COL5A3: variants seen among roughly 807,000 people sequenced by gnomAD.
COL5A3 encodes collagen type V alpha 3 chain.
A neutral mutation model predicts 250.0 loss-of-function variants in COL5A3; 172 were observed. That is an observed-to-expected ratio of 0.69 (90% CI 0.61 to 0.78). The LOEUF (loss-of-function observed/expected upper bound fraction) is 0.78, where lower values mean the gene tolerates loss of function less well. Ranked by LOEUF, COL5A3 falls within the 30% of genes least tolerant of loss-of-function variation. The probability of loss-of-function intolerance (pLI) is 0.00; values close to 1 mark genes in which losing one functional copy is unlikely to be tolerated. For missense variants in COL5A3, 2,340 were observed against 2,334.4 expected, an observed-to-expected ratio of 1.00 and a Z score of -0.05; for synonymous variants, 937 against 900.4, an observed-to-expected ratio of 1.04 and a Z score of -0.73.
intron 8 of COL5A3, among the ~76,000 whole-genome samples, chr19:10,000,828 A>G (rs1465914546): frequency 6.6e-6 from 1 of 152,128 alleles, no homozygotes; most frequent in Non-Finnish European, 1.5e-5. Context: ...TAAGTAAATA[A>G]AATAACACAG....
intron 31 of COL5A3, among the ~76,000 whole-genome samples, chr19:9,983,942 C>T (rs76073433): frequency 0.01 from 1,564 of 151,080 alleles, 28 homozygotes; most frequent in East Asian, 0.077. Context: ...TCAAATCCAA[C>T]GTAGGCAAGA....
At position 9,973,519 on chromosome 19, in the gene COL5A3, G is replaced by A. The variant is rs2086880510; in HGVS notation, c.3666+51C>T. 2.5e-6 allele frequency: 4 copies of A among 1,568,782 alleles called. No homozygotes were observed. The African/African-American group carries it at 4.1e-5, about 16-fold the overall frequency. ...TCAAAGTGGCCCAAGATGCCCAGGG[G>A]TCAGGGGTTCCCTGAGTTGGGTGCA... On this transcript the variant is annotated intron_variant, in intron 50 of 66. Coordinates refer to ENST00000264828, the MANE Select transcript of COL5A3 (RefSeq NM_015719.4).
At chr19:9,991,959 C>T (rs777318494) in intron 22 of COL5A3, 45 bp downstream of exon 22, 6 of 1,587,668 alleles carry the variant, frequency 3.8e-6, no homozygotes, top group Admixed American at 3.3e-5. Flanking sequence ...CAATCGGGGT[C>T]AGAGTGTCAG....
chr19:9,979,241 T>C lies in COL5A3; in HGVS notation c.2767-2A>G, dbSNP rs760168082. The C allele has an allele frequency of 6.2e-7, 1 of 1,607,230 alleles. No homozygotes were observed. Among genetic ancestry groups the C allele is most frequent in the Non-Finnish European group, 8.5e-7 (1 of 1,176,446 alleles). On this transcript the variant is annotated splice_acceptor_variant, in intron 38 of 66. Transcript: ENST00000264828. LOFTEE classifies it high-confidence loss of function. Reference sequence around the variant, plus strand: ...AGGTCCCACTTCTCCTGTCTTTCCCTGGTGAGGAAGAAGGCTCCTGTTGAG... The same window carrying C: ...AGGTCCCACTTCTCCTGTCTTTCCCCGGTGAGGAAGAAGGCTCCTGTTGAG...
Position 9,966,603 on chromosome 19 carries a change from G to A in COL5A3, c.4602C>T (p.Pro1534=), listed in dbSNP as rs1182877260. 1.3e-6 allele frequency: 2 copies of A among 1,540,186 alleles called. No homozygotes were observed. The highest frequency in any genetic ancestry group is 1.7e-6 in the Non-Finnish European group (2 of 1,147,044). ...CGAGGCCCGGGCGCTCCGCAGTGCC[G>A]GGAGGACGCCGCAGCTGCTCCAGCT... The part of the protein sequence containing the change: ...SLELEQLRRP[P]GTAERPGLVC... Residue 1534 remains proline (P), a synonymous_variant, in exon 63 of 67, where the codon CCC becomes CCT. Transcript: ENST00000264828.
chr19:10,003,678 G>T lies in COL5A3; in HGVS notation c.736C>A (p.Arg246=). ...QGEPETPRPR[R]KGKGKGRKKG... is the part of the protein sequence containing the mutation. Reference sequence around the variant, plus strand: ...TTCCTCCCTTTTCCCTTCCCCTTCCGCCGAGGACGAGGGGTTTCTGGTTCA... The same window carrying T: ...TTCCTCCCTTTTCCCTTCCCCTTCCTCCGAGGACGAGGGGTTTCTGGTTCA... Residue 246 remains arginine (R), a synonymous_variant, in exon 6 of 67, where the codon CGG becomes AGG. Transcript: ENST00000264828. 2 of 1,613,862 alleles carry T rather than the reference G, an allele frequency of 1.2e-6. No homozygotes were observed. The highest frequency in any genetic ancestry group is 1.7e-6 in the Non-Finnish European group (2 of 1,179,992).
chr19:9,962,615 A>G (rs1012216632), intron 65 of COL5A3, among the ~76,000 whole-genome samples: 1 of 151,872 alleles, frequency 6.6e-6, no homozygotes, highest in Non-Finnish European at 1.5e-5. Flanking sequence ...TGCTTCCCCT[A>G]TCCTGGCACC....
chr19:9,993,239 T>C, intron 19 of COL5A3, 141 bp downstream of exon 19: 5 of 1,130,458 alleles, frequency 4.4e-6, no homozygotes, highest in Non-Finnish European at 5.3e-6. Context: ...ATCCTAGACC[T>C]GCAAGTCTCA....
intron 16 of COL5A3, 89 bp downstream of exon 16, chr19:9,995,475 C>T: frequency 8.3e-7 from 1 of 1,198,040 alleles, no homozygotes; most frequent in Non-Finnish European, 1.2e-6. Context: ...ACTAACGACA[C>T]CAGCAGACCC....
At position 9,969,590 on chromosome 19, in the gene COL5A3, C is replaced by T. The variant is rs2086799786; in HGVS notation, c.4083G>A (p.Gly1361=). The change falls in exon 56 of 67, where the codon GGG becomes GGA. Residue 1361 remains glycine, a synonymous_variant. Coordinates refer to ENST00000264828, the MANE Select transcript of COL5A3 (RefSeq NM_015719.4). ...PGRVGPEGLR[G]IPGPVGEPGL... Reference sequence around the variant, plus strand: ...CTCCACTCACCACAGGGCCAGGGATCCCTCGAAGACCCTCAGGCCCCACAC... The same window carrying T: ...CTCCACTCACCACAGGGCCAGGGATTCCTCGAAGACCCTCAGGCCCCACAC... 6 of 1,609,890 alleles carry T rather than the reference C, an allele frequency of 3.7e-6. No individual in the cohort carries two copies. The South Asian group carries it at 5.5e-5, about 15-fold the overall frequency.
intron 64 of COL5A3, among the ~76,000 whole-genome samples, chr19:9,963,561 TG>T (rs1555733033): frequency 0.053 from 2,125 of 39,998 alleles, 37 homozygotes; most frequent in African/African-American, 0.13. Context: ...CTGTTTTTTT[TG>T]GGGGGGGGGG....
chr19:9,998,081 C>T, intron 9 of COL5A3, 21 bp downstream of exon 9: 1 of 1,614,038 alleles, frequency 6.2e-7, no homozygotes, highest in Non-Finnish European at 8.5e-7. Flanking sequence ...TCTCAACCCC[C>T]TCACAATCCA....
intron 64 of COL5A3, among the ~76,000 whole-genome samples, chr19:9,965,326 T>G (rs1182044883): frequency 2.0e-5 from 3 of 151,368 alleles, no homozygotes; most frequent in Non-Finnish European, 4.4e-5. Context: ...GGCTAATTTT[T>G]TGCATTTTTT....
intron 27 of COL5A3, among the ~76,000 whole-genome samples, chr19:9,988,833 C>CAAAAAAAAAAAAAAA (rs67181648): frequency 2.5e-5 from 1 of 39,416 alleles, no homozygotes; most frequent in Admixed American, 2.8e-4. Context: ...GACTCTGTCT[C>CAAAAAAAAAAAAAAA]AAAAAAAAAA....
Position 9,977,452 on chromosome 19 carries a change from G to T in COL5A3, c.3147C>A (p.Gly1049=), listed in dbSNP as rs1191521605. 3.3e-6 allele frequency: 5 copies of T among 1,519,672 alleles called. No individual in the cohort carries two copies. The highest frequency in any genetic ancestry group is 4.4e-6 in the Non-Finnish European group (5 of 1,135,062). The allele number at this position is 1,519,672 out of a possible 1,614,324, so 94.1% of individuals were successfully genotyped here. A position where few individuals can be genotyped will look rare whatever the true frequency, so the allele number is the denominator to read the frequency against. ...CTGGGATCCCATCTTTGCCAGTGGG[G>T]CCAGGGGGGCCACGTTCTCCCTGTT... ...KGSRGERGPP[G]PTGKDGIPGP... is the part of the protein sequence containing the mutation. Residue 1049 remains glycine, a synonymous_variant, in exon 43 of 67, where the codon GGC becomes GGA. Transcript: ENST00000264828.
intron 50 of COL5A3, 46 bp from the exon 51 acceptor site, chr19:9,973,072 G>A: frequency 6.6e-7 from 1 of 1,507,560 alleles, no homozygotes; most frequent in Non-Finnish European, 9.0e-7. Context: ...GACTCTCCAG[G>A]GATCAAGGAT....
In COL5A3 at chr19:10,000,108, A is replaced by T. The variant is rs570542142; in HGVS notation, c.1110+1416T>A. Among the ~76,000 whole-genome samples, 14 of 118,364 alleles carry T rather than the reference A, an allele frequency of 1.2e-4. No individual in the cohort carries two copies. In the South Asian group the frequency reaches 1.4e-3, roughly 12 times the overall value. The allele number at this position is 118,364 out of a possible 152,430, so 77.7% of individuals were successfully genotyped here. On this transcript the variant is annotated intron_variant, in intron 8 of 66. Coordinates refer to ENST00000264828, the MANE Select transcript of COL5A3 (RefSeq NM_015719.4). ...CTTCTCTTCTCCCTGCCCTTAACAT[A>T]AAAAAAAAGCCTAAAATTTGTACTG...
chr19:9,980,602 T>TCACA (rs68083806), intron 35 of COL5A3, 46 bp downstream of exon 35: 3 of 1,528,388 alleles, frequency 2.0e-6, no homozygotes, highest in African/African-American at 3.2e-5. Flanking sequence ...TCTCTCTCTC[T>TCACA]CACACACACA....
chr19:9,968,595 C>A lies in COL5A3; in HGVS notation c.4206+80G>T. ...ATGAGTTTGGGAGCAGAGGATGCAC[C>A]AATCTCCCAGCCCCCCAGCCAGGGA... On this transcript the variant is annotated intron_variant, in intron 58 of 66. Transcript: ENST00000264828. The surrounding 1 kb of genome is among the most constrained non-coding windows in gnomAD (Gnocchi z 4.1). 6.3e-7 allele frequency: 1 copy of A among 1,584,472 alleles called. No individual in the cohort carries two copies. The highest frequency in any genetic ancestry group is 8.6e-7 in the Non-Finnish European group (1 of 1,156,684).
Sources: gnomAD v4.1 joint callset for allele counts (sites outside exome capture counted in the v4.1 genomes callset) on GRCh38, gnomAD v4.1.1 for gene constraint, Gnocchi (gnomAD v3.1) non-coding constraint, MANE v1.5 for transcripts, NCBI Gene and HGNC (gene_info 2026-07-23, HGNC 2026-07-21) for gene names.